Variants in MAP3K3 observed in about 807,000 individuals in gnomAD.
The protein encoded by MAP3K3 is mitogen-activated protein kinase kinase kinase 3.
MAP3K3 carries 12 observed loss-of-function variants against 80.9 expected under a neutral mutation model. The observed-to-expected ratio is 0.15, with a 90% confidence interval of 0.10 to 0.24. MAP3K3 has a LOEUF of 0.24. Ranked by LOEUF, MAP3K3 falls within the 10% of genes least tolerant of loss-of-function variation. The pLI is 1.00. For missense variants in MAP3K3, 596 were observed against 834.7 expected (o/e 0.71, Z 3.52); for synonymous variants, 272 against 307.1 (o/e 0.89, Z 1.19).
chr17:63,641,946 T>G (rs926573094), intron 2 of MAP3K3, among the ~76,000 whole-genome samples: 4 of 152,078 alleles, frequency 2.6e-5, no homozygotes, highest in African/African-American at 7.2e-5. Context: ...AAGTTGGAAA[T>G]AGAGTTGGCC....
chr17:63,664,985 G>A (rs1046156122), intron 5 of MAP3K3, among the ~76,000 whole-genome samples: 1 of 151,724 alleles, frequency 6.6e-6, no homozygotes, highest in African/African-American at 2.4e-5. Flanking sequence ...GTGTCCAGAG[G>A]TTCTGTTGAT....
chr17:63,626,527 A>G (rs1163703252), intron 1 of MAP3K3, among the ~76,000 whole-genome samples: 1 of 152,278 alleles, frequency 6.6e-6, no homozygotes. Flanking sequence ...AATTTGAACC[A>G]TCAATTAATA....
chr17:63,651,312 A>G (rs1010064124), intron 3 of MAP3K3, among the ~76,000 whole-genome samples: 1 of 152,104 alleles, frequency 6.6e-6, no homozygotes, highest in Non-Finnish European at 1.5e-5. Context: ...ATTGAGGCCC[A>G]TCCCTACAAA....
In MAP3K3 at chr17:63,691,789, A is replaced by G. The variant is rs762270961; in HGVS notation, c.1401A>G (p.Arg467=). ...GTGCTCTGACAGAGAGCGTGACCCG[A>G]AAGTACACGCGGCAGATCCTGGAGG... is the stretch of plus-strand genomic sequence containing the variant. ...AYGALTESVT[R]KYTRQILEGM... The change falls in exon 14 of 16, where the codon CGA becomes CGG. Residue 467 remains arginine (R), a synonymous_variant. Coordinates refer to ENST00000361733, the MANE Select transcript of MAP3K3 (RefSeq NM_002401.5). The surrounding 1 kb of genome is among the most constrained non-coding windows in gnomAD (Gnocchi z 4.8). 3 of 1,614,106 alleles carry G rather than the reference A, an allele frequency of 1.9e-6. No individual in the cohort carries two copies. The East Asian group carries it at 6.7e-5, about 36-fold the overall frequency.
At chr17:63,675,488 G>T (rs146258479) in intron 6 of MAP3K3, among the ~76,000 whole-genome samples, 4 of 152,142 alleles carry the variant, frequency 2.6e-5, no homozygotes, top group African/African-American at 9.7e-5. Context: ...AGAGCCTGTC[G>T]TTCAGCTTTA....
chr17:63,637,927 G>A (rs1010003650), intron 2 of MAP3K3, among the ~76,000 whole-genome samples: 1 of 152,140 alleles, frequency 6.6e-6, no homozygotes, highest in Non-Finnish European at 1.5e-5. Context: ...GCACAAGCAG[G>A]GCAGGGCCTT....
intron 5 of MAP3K3, among the ~76,000 whole-genome samples, chr17:63,659,744 A>G (rs1012771385): frequency 6.6e-6 from 1 of 151,580 alleles, no homozygotes; most frequent in Non-Finnish European, 1.5e-5. Context: ...TGTTGGCCAG[A>G]CTGGTCTTGA....
chr17:63,664,706 C>T (rs1355204625), intron 5 of MAP3K3, among the ~76,000 whole-genome samples: 1 of 152,066 alleles, frequency 6.6e-6, no homozygotes, highest in East Asian at 1.9e-4. Flanking sequence ...GATCAAACAC[C>T]ATCTTCTATT....
intron 7 of MAP3K3, among the ~76,000 whole-genome samples, chr17:63,684,945 C>T (rs1057507434): frequency 1.3e-5 from 2 of 152,130 alleles, no homozygotes; most frequent in Non-Finnish European, 2.9e-5. Flanking sequence ...TGCATTTGAC[C>T]AGGGGCCAGA....
intron 7 of MAP3K3, among the ~76,000 whole-genome samples, chr17:63,683,791 G>C (rs2035389740): frequency 6.6e-6 from 1 of 152,148 alleles, no homozygotes; most frequent in Non-Finnish European, 1.5e-5. Context: ...AGCAATAATT[G>C]CATCTATTTA....
rs1477555164 is a variant in MAP3K3 at position 63,652,573 on chromosome 17, C to T, written c.184C>T (p.Arg62Trp). Residue 62 changes from arginine to tryptophan, a missense_variant, in exon 4 of 16, where the codon CGG (arginine) becomes TGG (tryptophan). By Grantham distance (101) the Arg-to-Trp change is moderately radical. This residue lies in a region of MAP3K3 where 232 missense variants were observed against 245.8 expected (regional missense o/e 0.94). Coordinates refer to ENST00000361733, the MANE Select transcript of MAP3K3 (RefSeq NM_002401.5). ...TCTTTTCAGAATTATAGCGTTCAGC[C>T]GGCCTGTGAAATATGAAGATGTGGA... ...NGERRIIAFSRPVKYEDVEHK... is the reference protein window; with the variant it reads ...NGERRIIAFSWPVKYEDVEHK... 2.2e-5 allele frequency: 36 copies of T among 1,613,098 alleles called. No homozygotes were observed. Among genetic ancestry groups the T allele is most frequent in the African/African-American group, 2.7e-5 (2 of 74,890 alleles).
chr17:63,672,456 G>A (rs1326101139), intron 6 of MAP3K3, among the ~76,000 whole-genome samples: 1 of 152,164 alleles, frequency 6.6e-6, no homozygotes, highest in African/African-American at 2.4e-5. Flanking sequence ...TAATGTTTTA[G>A]ACATGTTGGT....
chr17:63,676,799 G>A (rs1288622183), intron 6 of MAP3K3, among the ~76,000 whole-genome samples: 2 of 152,176 alleles, frequency 1.3e-5, no homozygotes, highest in African/African-American at 4.8e-5. Context: ...TGTCAACATC[G>A]GCAAAGCTGG....
rs2035667950 is a variant in MAP3K3, at chr17:63,695,203, C to G, written c.*1426C>G. On this transcript the variant is annotated 3_prime_UTR_variant, in exon 16 of 16. Coordinates refer to ENST00000361733, the MANE Select transcript of MAP3K3 (RefSeq NM_002401.5). This position sits in a 1 kb window ranked among gnomAD's most constrained non-coding sequence, Gnocchi z 4.1. ...ACATCCCCATGGGCACAGAACAAGC[C>G]AAAGCCTTCGTTGTATGTTGACGAT... 6.6e-6 allele frequency: 1 copy of G among 152,614 alleles called. No individual in the cohort carries two copies. Among genetic ancestry groups the G allele is most frequent in the Non-Finnish European group, 1.5e-5 (1 of 68,048 alleles). The allele number at this position is 152,614 out of a possible 1,614,324, so 9.5% of individuals were successfully genotyped here.
intron 1 of MAP3K3, among the ~76,000 whole-genome samples, chr17:63,628,523 G>A (rs965981880): frequency 1.3e-5 from 2 of 151,978 alleles, no homozygotes; most frequent in African/African-American, 4.8e-5. Context: ...ACCACGCCCA[G>A]CTAATTTTGT....
intron 1 of MAP3K3, among the ~76,000 whole-genome samples, chr17:63,627,877 C>T (rs927750006): frequency 1.3e-5 from 2 of 151,904 alleles, no homozygotes; most frequent in African/African-American, 4.8e-5. Flanking sequence ...AGCCAATGCG[C>T]CCGGCCTGTC....
At chr17:63,648,301 A>G (rs1289037745) in intron 3 of MAP3K3, among the ~76,000 whole-genome samples, 1 of 152,198 alleles carries the variant, frequency 6.6e-6, no homozygotes, top group Non-Finnish European at 1.5e-5. Flanking sequence ...CTTTTTCAAT[A>G]GTGTGCTAGG....
intron 2 of MAP3K3, among the ~76,000 whole-genome samples, chr17:63,642,657 C>T (rs1311901239): frequency 2.0e-5 from 3 of 151,788 alleles, no homozygotes; most frequent in Non-Finnish European, 4.4e-5. Context: ...GACTCTGTCT[C>T]AAAAAATAAA....
chr17:63,692,494 G>A lies in MAP3K3; in HGVS notation c.1652+75G>A. On this transcript the variant is annotated intron_variant, in intron 15 of 15. Transcript: ENST00000361733. This position sits in a 1 kb window ranked among gnomAD's most constrained non-coding sequence, Gnocchi z 4.5. ...CCCCCCATTAGAAACACACCCTGGG[G>A]ACTTTGTGGTGTGGCAGGAGGGAGT... The A allele has an allele frequency of 6.8e-7, 1 of 1,466,924 alleles. No homozygotes were observed. The highest frequency in any genetic ancestry group is 9.1e-7 in the Non-Finnish European group (1 of 1,097,688). 90.9% of individuals were successfully genotyped at this position (1,466,924 alleles called of 1,614,324 possible). A position where few individuals can be genotyped will look rare whatever the true frequency, so the allele number is the denominator to read the frequency against.
Sources: gnomAD v4.1 joint callset for allele counts (sites outside exome capture counted in the v4.1 genomes callset) on GRCh38, gnomAD v4.1.1 for gene constraint, gnomAD v4.1.1 regional missense constraint, Gnocchi (gnomAD v3.1) non-coding constraint, MANE v1.5 for transcripts, NCBI Gene and HGNC (gene_info 2026-07-23, HGNC 2026-07-21) for gene names.